The following PKN2 variants were observed in gnomAD, a reference collection of about 807,000 sequenced individuals.
PKN2 encodes the protein serine/threonine-protein kinase N2.
In PKN2, 38 loss-of-function variants were observed where a neutral mutation model predicts 119.1. That is an observed-to-expected ratio of 0.32 (90% CI 0.25 to 0.42). PKN2 has a LOEUF of 0.42. Ranked by LOEUF, PKN2 falls within the 10% of genes least tolerant of loss-of-function variation. PKN2 has a pLI of 1.00. For synonymous variants in PKN2, 390 were observed against 384.9 expected (o/e 1.01, Z -0.15); for missense variants, 850 against 1,165.1 (o/e 0.73, Z 3.94).
intron 19 of PKN2, among the ~76,000 whole-genome samples, chr1:88,830,653 AT>A (rs1243576331): frequency 6.6e-6 from 1 of 152,160 alleles, no homozygotes; most frequent in East Asian, 1.9e-4. Context: ...CCCTCCTATT[AT>A]AAAGCCACTG....
intron 2 of PKN2, among the ~76,000 whole-genome samples, chr1:88,759,492 G>A (rs762839464): frequency 3.3e-5 from 5 of 152,132 alleles, no homozygotes; most frequent in Admixed American, 6.5e-5. Context: ...CTTTTCAAAA[G>A]TATCTGTTCA....
intron 12 of PKN2, among the ~76,000 whole-genome samples, chr1:88,806,977 CA>C (rs1261801120): frequency 6.6e-6 from 1 of 152,058 alleles, no homozygotes; most frequent in African/African-American, 2.4e-5. Context: ...CTCGGCCTAC[CA>C]AAGTGCTGGG....
At chr1:88,741,404 G>C in intron 2 of PKN2, 116 bp downstream of exon 2, 1 of 625,944 alleles carries the variant, frequency 1.6e-6, no homozygotes. Context: ...AAAGTAGAGA[G>C]ACTTTTTCTC....
chr1:88,714,264 G>T (rs1185642967), intron 1 of PKN2, among the ~76,000 whole-genome samples: 1 of 152,138 alleles, frequency 6.6e-6, no homozygotes, highest in African/African-American at 2.4e-5. Context: ...TGGCAATGCG[G>T]GCTCTTTTTT....
In PKN2 at chr1:88,760,272, A is replaced by T; in HGVS notation, c.400A>T (p.Ser134Cys). Residue 134 changes from serine to cysteine, a missense_variant, in exon 3 of 22, where the codon AGC (serine) becomes TGC (cysteine). Physicochemically the swap from Ser to Cys is moderately radical, Grantham distance 112 (BLOSUM62 -1). This residue lies in a region of PKN2 where 350 missense variants were observed against 511.1 expected (regional missense o/e 0.68). Coordinates refer to ENST00000370521, the MANE Select transcript of PKN2 (RefSeq NM_006256.4). ...AAATAATGACCCTCGTTGTTCTACTAGCAACAATAGATTGAAGGCCTTACA... is the reference window on the plus strand; with the variant it reads ...AAATAATGACCCTCGTTGTTCTACTTGCAACAATAGATTGAAGGCCTTACA... Reference protein sequence around the residue: ...TPNNDPRCSTSNNRLKALQKQ... With the variant: ...TPNNDPRCSTCNNRLKALQKQ... The T allele has an allele frequency of 1.9e-6, 3 of 1,579,962 alleles. No individual in the cohort carries two copies. The highest frequency in any genetic ancestry group is 2.6e-6 in the Non-Finnish European group (3 of 1,151,316).
At chr1:88,704,477 AC>A (rs921227062) in intron 1 of PKN2, among the ~76,000 whole-genome samples, 1 of 152,194 alleles carries the variant, frequency 6.6e-6, no homozygotes, top group African/African-American at 2.4e-5. Context: ...TAGTGGACTT[AC>A]ACTTTCATTA....
chr1:88,786,506 G>A (rs995510732), intron 8 of PKN2, among the ~76,000 whole-genome samples: 2 of 152,124 alleles, frequency 1.3e-5, no homozygotes, highest in African/African-American at 4.8e-5. Flanking sequence ...ATCTTAATGC[G>A]CTAACAGCTA....
In PKN2 at chr1:88,771,716, A is replaced by G; in HGVS notation, c.822A>G (p.Ser274=). ...AGAAGTTGGACCTTTTAAAGTATTC[A>G]TTAGAGCAAAGATTAAACGAAGTCC... is the stretch of plus-strand genomic sequence containing the variant. ...SSQKLDLLKY[S]LEQRLNEVPK... Residue 274 remains serine, a synonymous_variant, in exon 6 of 22, where the codon TCA becomes TCG. Transcript: ENST00000370521. 1 of 1,614,060 alleles carries G rather than the reference A, an allele frequency of 6.2e-7. No homozygotes were observed. The highest frequency in any genetic ancestry group is 8.5e-7 in the Non-Finnish European group (1 of 1,179,948).
chr1:88,739,364 C>G (rs1377039297), intron 1 of PKN2, among the ~76,000 whole-genome samples: 1 of 152,022 alleles, frequency 6.6e-6, no homozygotes, highest in Non-Finnish European at 1.5e-5. Flanking sequence ...CATAATATAC[C>G]TGCAGGCACA....
chr1:88,777,320 A>G (rs1268167946), intron 6 of PKN2, among the ~76,000 whole-genome samples: 7 of 152,068 alleles, frequency 4.6e-5, no homozygotes, highest in Non-Finnish European at 8.8e-5. Flanking sequence ...TGTTTCCCCT[A>G]GATATTTGTC....
chr1:88,739,074 C>A (rs931210055), intron 1 of PKN2, among the ~76,000 whole-genome samples: 1 of 152,002 alleles, frequency 6.6e-6, no homozygotes, highest in African/African-American at 2.4e-5. Flanking sequence ...GTGTAGATTA[C>A]CTGTTTTAGG....
intron 6 of PKN2, among the ~76,000 whole-genome samples, chr1:88,774,632 T>A (rs1429834716): frequency 6.6e-6 from 1 of 152,080 alleles, no homozygotes; most frequent in East Asian, 1.9e-4. Context: ...TTTTTTTTTT[T>A]ATGCAAGTGT....
chr1:88,808,223 A>T (rs1314975385), intron 15 of PKN2, among the ~76,000 whole-genome samples: 2 of 152,086 alleles, frequency 1.3e-5, no homozygotes, highest in Non-Finnish European at 2.9e-5. Context: ...TATTTTTTTT[A>T]AAAACATGTT....
intron 1 of PKN2, among the ~76,000 whole-genome samples, chr1:88,712,114 A>G (rs979443257): frequency 2.0e-5 from 3 of 152,106 alleles, no homozygotes; most frequent in African/African-American, 2.4e-5. Context: ...TTAGGAATAT[A>G]TTATGGGCTT....
intron 1 of PKN2, among the ~76,000 whole-genome samples, chr1:88,721,663 A>C (rs1667687624): frequency 6.6e-6 from 1 of 152,202 alleles, no homozygotes; most frequent in African/African-American, 2.4e-5. Context: ...ATGGTAAGTT[A>C]ATTAATTAAG....
chr1:88,790,538 C>T (rs1670782559), intron 8 of PKN2, among the ~76,000 whole-genome samples: 1 of 151,936 alleles, frequency 6.6e-6, no homozygotes, highest in South Asian at 2.1e-4. Flanking sequence ...TCTGTGTCTC[C>T]CTTGATTTTT....
intron 1 of PKN2, among the ~76,000 whole-genome samples, chr1:88,698,313 C>G (rs1194394626): frequency 6.6e-6 from 1 of 152,138 alleles, no homozygotes; most frequent in Non-Finnish European, 1.5e-5. Flanking sequence ...TTAGCACTGA[C>G]CTTGACAGAG....
chr1:88,832,456 A>G (rs1672768389), intron 19 of PKN2, among the ~76,000 whole-genome samples: 1 of 152,054 alleles, frequency 6.6e-6, no homozygotes, highest in African/African-American at 2.4e-5. Context: ...ATGAAAAGTC[A>G]TATCATATAT....
intron 1 of PKN2, among the ~76,000 whole-genome samples, chr1:88,725,437 C>T (rs1300057452): frequency 1.3e-5 from 2 of 152,088 alleles, no homozygotes; most frequent in Non-Finnish European, 2.9e-5. Flanking sequence ...TTTCTTTAGC[C>T]ATTTAAATAG....
Sources: allele counts gnomAD v4.1 joint callset (sites outside exome capture counted in the v4.1 genomes callset), GRCh38; gene constraint gnomAD v4.1.1; regional missense constraint gnomAD v4.1.1; transcripts MANE v1.5; gene names NCBI Gene and HGNC (gene_info 2026-07-23, HGNC 2026-07-21).